ZFAND3: variants seen among roughly 807,000 people sequenced by gnomAD.
ZFAND3 encodes zinc finger AN1-type containing 3.
A neutral mutation model predicts 29.6 loss-of-function variants in ZFAND3; 10 were observed. The observed-to-expected ratio is 0.34, with a 90% CI of 0.21 to 0.57. The LOEUF is 0.57. ZFAND3 is among the 20% of genes least tolerant of loss of function. The pLI, the probability that ZFAND3 is intolerant of heterozygous loss-of-function variation, is 0.86. For missense variants in ZFAND3, 230 were observed against 304.5 expected, an observed-to-expected ratio of 0.76 and a Z score of 1.82; for synonymous variants, 128 against 112.6, an observed-to-expected ratio of 1.14 and a Z score of -0.87.
chr6:37,875,832 A>AT (rs111876400), intron 1 of ZFAND3, among the ~76,000 whole-genome samples: 2,085 of 126,292 alleles, frequency 0.017, 35 homozygotes, highest in African/African-American at 0.055. Context: ...TTAATTTTTG[A>AT]TTTTTTTTTT....
chr6:38,042,134 A>G (rs192061831), intron 2 of ZFAND3, among the ~76,000 whole-genome samples: 5 of 150,920 alleles, frequency 3.3e-5, no homozygotes, highest in Non-Finnish European at 7.4e-5. Flanking sequence ...TGCCTGGCCT[A>G]ATATATATCT....
chr6:37,995,450 G>T (rs1043587709), intron 2 of ZFAND3, among the ~76,000 whole-genome samples: 6 of 152,138 alleles, frequency 3.9e-5, no homozygotes, highest in Non-Finnish European at 7.4e-5. Context: ...TTAATGAAAG[G>T]TTCTGGAGGT....
chr6:37,868,434 A>G (rs1333607037), intron 1 of ZFAND3, among the ~76,000 whole-genome samples: 2 of 152,176 alleles, frequency 1.3e-5, no homozygotes, highest in Admixed American at 1.3e-4. Context: ...GGAGTGGTAT[A>G]TCTTGGGCAG....
At chr6:38,082,270 TCTC>T (rs546138933) in intron 3 of ZFAND3, 119 bp from the exon 4 acceptor site, 47 of 851,734 alleles carry the variant, frequency 5.5e-5, no homozygotes, top group Middle Eastern at 2.5e-4. Context: ...TCCTACTACT[TCTC>T]CTCGTTATAT....
At chr6:37,864,873 G>T (rs1764560877) in intron 1 of ZFAND3, among the ~76,000 whole-genome samples, 1 of 152,140 alleles carries the variant, frequency 6.6e-6, no homozygotes, top group African/African-American at 2.4e-5. Context: ...GGATGCTCAA[G>T]TCCCTGATGT....
In ZFAND3 at chr6:37,918,951, C is replaced by CTTTTTTTTTTTTTTTTT. The variant is rs66941014; in HGVS notation, c.72-11004_72-10988dup. Among the ~76,000 whole-genome samples the CTTTTTTTTTTTTTTTTT allele has an allele frequency of 5.2e-3, 544 of 104,654 alleles. 51 individuals are homozygous for CTTTTTTTTTTTTTTTTT. Among genetic ancestry groups the CTTTTTTTTTTTTTTTTT allele is most frequent in the African/African-American group, 7.1e-3 (175 of 24,564 alleles). 68.7% of individuals were successfully genotyped at this position (104,654 alleles called of 152,430 possible). The stretch of plus-strand genomic sequence containing the variant: ...TGTGTTTTCAAAACATGAAAAATGC[C>CTTTTTTTTTTTTTTTTT]TTTTTTTTTTTTTTTTTTTTGAGAC... On this transcript the variant is annotated intron_variant, in intron 1 of 5. Transcript: ENST00000287218.
intron 1 of ZFAND3, among the ~76,000 whole-genome samples, chr6:37,842,558 T>G (rs538936195): frequency 6.6e-6 from 1 of 152,198 alleles, no homozygotes; most frequent in Admixed American, 6.5e-5. Context: ...AGTTTCTCTA[T>G]TCTCCTGTTT....
At chr6:38,034,831 TTTTAA>T (rs1252559764) in intron 2 of ZFAND3, among the ~76,000 whole-genome samples, 1 of 146,716 alleles carries the variant, frequency 6.8e-6, no homozygotes, top group African/African-American at 2.5e-5. Flanking sequence ...CAAATTTGAC[TTTTAA>T]TTTGATACAT....
chr6:38,023,854 G>C (rs1763396715), intron 2 of ZFAND3, among the ~76,000 whole-genome samples: 1 of 152,144 alleles, frequency 6.6e-6, no homozygotes, highest in South Asian at 2.1e-4. Flanking sequence ...TAGGGGAAAA[G>C]GCCAATTTTT....
At chr6:37,827,698 T>C (rs1005772599) in intron 1 of ZFAND3, among the ~76,000 whole-genome samples, 1 of 152,242 alleles carries the variant, frequency 6.6e-6, no homozygotes, top group African/African-American at 2.4e-5. Context: ...GCTGCAACAG[T>C]GCCAGGCACC....
At chr6:37,830,239 AG>A (rs1443637332) in intron 1 of ZFAND3, among the ~76,000 whole-genome samples, 1 of 152,152 alleles carries the variant, frequency 6.6e-6, no homozygotes, top group African/African-American at 2.4e-5. Flanking sequence ...AGGTGGTCAA[AG>A]GGGAAGACTG....
intron 1 of ZFAND3, among the ~76,000 whole-genome samples, chr6:37,901,391 C>T (rs544654301): frequency 3.3e-5 from 5 of 152,184 alleles, no homozygotes; most frequent in African/African-American, 7.2e-5. Context: ...CTTGTAATCC[C>T]GACACTTGAA....
chr6:37,877,118 T>A (rs1317445077), intron 1 of ZFAND3, among the ~76,000 whole-genome samples: 4 of 152,238 alleles, frequency 2.6e-5, no homozygotes, highest in South Asian at 2.1e-4. Context: ...GCGACATTTT[T>A]AAAATTTATT....
Position 38,116,700 on chromosome 6 carries a change from C to T in ZFAND3, c.490C>T (p.Leu164=). ...TCGGTGCTTCCAGTGCCAAACCAAA[C>T]TGGAGCTGGTGCAGCAGGAATTGGG... ...RRRCFQCQTK[L]ELVQQELGSC... Residue 164 remains leucine, a synonymous_variant, in exon 5 of 6, where the codon CTG becomes TTG. Transcript: ENST00000287218. The T allele has an allele frequency of 6.2e-7, 1 of 1,614,142 alleles. No individual in the cohort carries two copies. The highest frequency in any genetic ancestry group is 8.5e-7 in the Non-Finnish European group (1 of 1,179,990).
chr6:38,082,006 A>G (rs752247246), intron 3 of ZFAND3, among the ~76,000 whole-genome samples: 29 of 152,116 alleles, frequency 1.9e-4, no homozygotes, highest in Non-Finnish European at 2.8e-4. Context: ...AAACCAACCT[A>G]AGAGAGAGTA....
chr6:37,961,835 AG>A (rs778644231), intron 2 of ZFAND3, among the ~76,000 whole-genome samples: 2 of 152,224 alleles, frequency 1.3e-5, no homozygotes, highest in Non-Finnish European at 2.9e-5. Context: ...GATACAGCTT[AG>A]ATCACAACAC....
intron 2 of ZFAND3, among the ~76,000 whole-genome samples, chr6:37,934,526 AT>A (rs1177606067): frequency 8.3e-5 from 9 of 108,380 alleles, no homozygotes; most frequent in East Asian, 4.6e-4. Context: ...CATTTAGTCT[AT>A]TTAAAAAAAA....
chr6:37,927,447 G>C (rs1367587867), intron 1 of ZFAND3, among the ~76,000 whole-genome samples: 1 of 152,238 alleles, frequency 6.6e-6, no homozygotes, highest in Admixed American at 6.5e-5. Flanking sequence ...GAGAAGTTGA[G>C]TGGAGATGAG....
intron 5 of ZFAND3, among the ~76,000 whole-genome samples, chr6:38,137,885 G>A (rs1393529935): frequency 6.6e-6 from 1 of 152,216 alleles, no homozygotes; most frequent in Non-Finnish European, 1.5e-5. Flanking sequence ...TGCGTTGCGG[G>A]AGGAGAGTGG....
Sources: allele counts gnomAD v4.1 joint callset (sites outside exome capture counted in the v4.1 genomes callset), GRCh38; gene constraint gnomAD v4.1.1; transcripts MANE v1.5; gene names NCBI Gene and HGNC (gene_info 2026-07-23, HGNC 2026-07-21).